TSC1: variants seen among roughly 807,000 people sequenced by gnomAD.
The protein encoded by TSC1 is hamartin.
TSC1 carries 20 observed loss-of-function variants against 124.3 expected under a neutral mutation model. That is an observed-to-expected ratio of 0.16 (90% CI 0.11 to 0.23). The LOEUF (loss-of-function observed/expected upper bound fraction) is 0.23, where lower values mean the gene tolerates loss of function less well. Among genes scored for constraint, TSC1 ranks in the 10% least tolerant of loss-of-function variants. TSC1 has a pLI of 1.00. For synonymous variants in TSC1, 493 were observed against 539.1 expected, an observed-to-expected ratio of 0.91 and a Z score of 1.19; for missense variants, 1,124 against 1,448.5, an observed-to-expected ratio of 0.78 and a Z score of 3.64.
intron 1 of TSC1, among the ~76,000 whole-genome samples, chr9:132,939,614 C>A (rs1415406229): frequency 6.6e-6 from 1 of 152,228 alleles, no homozygotes; most frequent in African/African-American, 2.4e-5. Context: ...TTTCTATTAA[C>A]ATGAACAACA....
chr9:132,910,322 AATC>A, intron 12 of TSC1: 1 of 632,392 alleles, frequency 1.6e-6, no homozygotes, highest in Non-Finnish European at 2.7e-6. Context: ...AAAAAAAAAA[AATC>A]AAGAGAGTAG....
At chr9:132,934,991 C>G (rs1019511855) in intron 2 of TSC1, 42 bp downstream of exon 2, 3 of 398,900 alleles carry the variant, frequency 7.5e-6, no homozygotes, top group Admixed American at 8.8e-5. Flanking sequence ...CAAGATAATT[C>G]CCTCCCATCT....
intron 19 of TSC1, 140 bp downstream of exon 19, chr9:132,901,449 A>G (rs1845366694): frequency 3.7e-6 from 3 of 811,726 alleles, no homozygotes; most frequent in Admixed American, 1.8e-5. Flanking sequence ...AATGTCAGGG[A>G]CTATGGGGGC....
chr9:132,925,872 T>G, intron 4 of TSC1, 133 bp from the exon 5 acceptor site: 1 of 1,234,104 alleles, frequency 8.1e-7, no homozygotes, highest in Non-Finnish European at 1.1e-6. Context: ...AGATAAAAGG[T>G]CAAATTCAAG....
At position 132,921,496 on chromosome 9, in the gene TSC1, T is replaced by C; in HGVS notation, c.664-60A>G. On this transcript the variant is annotated intron_variant, in intron 7 of 22. Coordinates refer to ENST00000298552, the MANE Select transcript of TSC1 (RefSeq NM_000368.5). The surrounding 1 kb of genome is among the most constrained non-coding windows in gnomAD (Gnocchi z 4.3). The stretch of plus-strand genomic sequence containing the variant: ...GAATGTTTGTGGAACATCCAAATGA[T>C]GGAATATTAGTTGACAATTAAAAGG... The C allele has an allele frequency of 3.2e-6, 5 of 1,573,192 alleles. No individual in the cohort carries two copies. The highest frequency in any genetic ancestry group is 4.4e-6 in the Non-Finnish European group (5 of 1,143,204).
intron 2 of TSC1, among the ~76,000 whole-genome samples, chr9:132,933,394 T>C (rs1184965190): frequency 2.6e-5 from 4 of 152,080 alleles, no homozygotes; most frequent in Non-Finnish European, 4.4e-5. Flanking sequence ...AGGACAAAAG[T>C]ATAAACAAGA....
intron 12 of TSC1, among the ~76,000 whole-genome samples, chr9:132,908,901 CTTT>C (rs35234317): frequency 3.3e-5 from 4 of 121,514 alleles, no homozygotes; most frequent in Admixed American, 7.9e-5. Flanking sequence ...CTACCTTGCA[CTTT>C]TTTTTTTTTT....
chr9:132,944,818 G>T (rs1325222788), upstream of TSC1: 1 of 387,420 alleles, frequency 2.6e-6, no homozygotes, highest in Middle Eastern at 6.5e-4. Context: ...TTTTATGGAG[G>T]GGGGCGGGGC....
intron 9 of TSC1, among the ~76,000 whole-genome samples, 199 bp downstream of exon 9, chr9:132,912,080 TAGC>T (rs1439203735): frequency 1.3e-5 from 2 of 152,168 alleles, no homozygotes; most frequent in Non-Finnish European, 2.9e-5. Context: ...TACAATCAGG[TAGC>T]AGACCAAGGA....
At chr9:132,907,782 T>A (rs1845749530) in intron 12 of TSC1, among the ~76,000 whole-genome samples, 1 of 152,176 alleles carries the variant, frequency 6.6e-6, no homozygotes, top group Admixed American at 6.5e-5. Flanking sequence ...CAGCTTTCTT[T>A]ATAGTCTTAA....
chr9:132,901,311 G>C (rs1214463473), intron 19 of TSC1, among the ~76,000 whole-genome samples: 1 of 152,230 alleles, frequency 6.6e-6, no homozygotes. Flanking sequence ...GCAGGGTTTA[G>C]GATGGATACT....
chr9:132,906,900 G>T lies in TSC1; in HGVS notation c.1334-65C>A. On this transcript the variant is annotated intron_variant, in intron 13 of 22. Transcript: ENST00000298552. The surrounding 1 kb of genome is among the most constrained non-coding windows in gnomAD (Gnocchi z 4.1). Reference sequence around the variant, plus strand: ...GTGTAATCCCTGTAAGTGTAAAACTGCTTACACTGTATAGAATATGTCTGT... The same window carrying T: ...GTGTAATCCCTGTAAGTGTAAAACTTCTTACACTGTATAGAATATGTCTGT... 1 of 1,239,872 alleles carries T rather than the reference G, an allele frequency of 8.1e-7. No individual in the cohort carries two copies. The highest frequency in any genetic ancestry group is 1.2e-6 in the Non-Finnish European group (1 of 844,906). The allele number at this position is 1,239,872 out of a possible 1,614,324, so 76.8% of individuals were successfully genotyped here. A position where few individuals can be genotyped will look rare whatever the true frequency, so the allele number is the denominator to read the frequency against.
intron 2 of TSC1, among the ~76,000 whole-genome samples, chr9:132,933,341 C>T (rs1275898312): frequency 4.6e-5 from 7 of 152,084 alleles, no homozygotes; most frequent in African/African-American, 1.4e-4. Context: ...GCTGGGATTA[C>T]GGGTGTGAGC....
chr9:132,913,825 CAAA>C (rs374309550), intron 8 of TSC1, among the ~76,000 whole-genome samples: 1 of 33,632 alleles, frequency 3.0e-5, no homozygotes, highest in Non-Finnish European at 5.8e-5. Flanking sequence ...GACTCCGTCT[CAAA>C]AAAAAAAAAA....
chr9:132,921,196 T>C lies in TSC1; in HGVS notation c.737+167A>G, dbSNP rs1048519599. On this transcript the variant is annotated intron_variant, in intron 8 of 22. Transcript: ENST00000298552. The surrounding 1 kb of genome is among the most constrained non-coding windows in gnomAD (Gnocchi z 4.3). ...TTATTAGTCCTCCGCCTGTGAAGAGTATGTTTTAAACTCACACAAATTTTA... is the reference window on the plus strand; with the variant it reads ...TTATTAGTCCTCCGCCTGTGAAGAGCATGTTTTAAACTCACACAAATTTTA... 6.6e-6 allele frequency among the ~76,000 whole-genome samples: 1 copy of C among 152,012 alleles called. No individual in the cohort carries two copies. The highest frequency in any genetic ancestry group is 2.4e-5 in the African/African-American group (1 of 41,384).
In TSC1 at chr9:132,912,141, G is replaced by A. The variant is rs1321173527; in HGVS notation, c.913+141C>T. The A allele has an allele frequency of 6.4e-6, 6 of 937,870 alleles. No homozygotes were observed. In the East Asian group the frequency reaches 1.0e-4, roughly 16 times the overall value. The allele number at this position is 937,870 out of a possible 1,614,324, so 58.1% of individuals were successfully genotyped here. On this transcript the variant is annotated intron_variant, in intron 9 of 22. Coordinates refer to ENST00000298552, the MANE Select transcript of TSC1 (RefSeq NM_000368.5). ...GAAATTAATTAGAAGAAAATGGAGG[G>A]ACATGCAAATTTAAGATATTTTGGG...
At chr9:132,919,232 A>G (rs890672358) in intron 8 of TSC1, among the ~76,000 whole-genome samples, 3 of 152,246 alleles carry the variant, frequency 2.0e-5, no homozygotes, top group Non-Finnish European at 2.9e-5. Flanking sequence ...ACTATCATCT[A>G]TGGAGCCCAT....
At chr9:132,905,551 A>T (rs2131805590) in intron 15 of TSC1, 30 bp downstream of exon 15, 1 of 1,613,062 alleles carries the variant, frequency 6.2e-7, no homozygotes. Flanking sequence ...TGGACCATTT[A>T]ACACAGAAGA....
intron 3 of TSC1, 112 bp downstream of exon 3, chr9:132,928,655 T>C (rs1243495058): frequency 6.3e-6 from 9 of 1,424,826 alleles, no homozygotes; most frequent in Non-Finnish European, 8.6e-6. Flanking sequence ...TTTGGGTGTT[T>C]AAAAAACTTT....
Sources: gnomAD v4.1 joint callset for allele counts (sites outside exome capture counted in the v4.1 genomes callset) on GRCh38, gnomAD v4.1.1 for gene constraint, Gnocchi (gnomAD v3.1) non-coding constraint, MANE v1.5 for transcripts, NCBI Gene and HGNC (gene_info 2026-07-23, HGNC 2026-07-21) for gene names.